The following NPFFR2 variants were observed in gnomAD, a reference collection of about 807,000 sequenced individuals.
NPFFR2 encodes G-protein coupled receptor 74.
A neutral mutation model predicts 13.1 loss-of-function variants in NPFFR2; 15 were observed. That is an observed-to-expected ratio of 1.15 (90% confidence interval 0.77 to 1.76). NPFFR2 has a LOEUF of 1.76. NPFFR2 is among the 40% of genes most tolerant of loss of function. The pLI is 0.00. For missense variants in NPFFR2, 572 were observed against 503.5 expected (o/e 1.14, Z -1.30); for synonymous variants, 190 against 175.7 (o/e 1.08, Z -0.65).
chr4:72,077,020 T>G (rs929673556), intron 1 of NPFFR2, among the ~76,000 whole-genome samples: 1 of 152,200 alleles, frequency 6.6e-6, no homozygotes, highest in African/African-American at 2.4e-5. Context: ...TATCTTATTC[T>G]TATTTTCCTC....
chr4:72,089,249 T>C (rs781627422), intron 1 of NPFFR2, among the ~76,000 whole-genome samples: 17 of 152,286 alleles, frequency 1.1e-4, no homozygotes, highest in Admixed American at 7.9e-4. Flanking sequence ...ATTTGGCTGG[T>C]TCCATATTTT....
chr4:72,129,408 G>C (rs1250894635), intron 2 of NPFFR2, among the ~76,000 whole-genome samples: 13 of 121,072 alleles, frequency 1.1e-4, no homozygotes, highest in African/African-American at 4.2e-4. Context: ...TTGATCATCT[G>C]TGGGTGTTTC....
intron 1 of NPFFR2, among the ~76,000 whole-genome samples, chr4:72,126,723 T>A (rs1018899596): frequency 6.6e-6 from 1 of 152,162 alleles, no homozygotes; most frequent in African/African-American, 2.4e-5. Flanking sequence ...AAACCCTGGG[T>A]GTTGAGTCTC....
At chr4:72,098,120 A>G (rs1202062383) in intron 1 of NPFFR2, among the ~76,000 whole-genome samples, 1 of 152,232 alleles carries the variant, frequency 6.6e-6, no homozygotes, top group African/African-American at 2.4e-5. Flanking sequence ...TAAGAGCTCA[A>G]TGAATGTGCA....
At chr4:72,140,920 AT>A (rs1722596227) in intron 3 of NPFFR2, among the ~76,000 whole-genome samples, 1 of 152,088 alleles carries the variant, frequency 6.6e-6, no homozygotes, top group African/African-American at 2.4e-5. Flanking sequence ...TAAGCTATTA[AT>A]TATTGCCTCA....
chr4:72,037,264 G>GGTTCT (rs1719063162), intron 1 of NPFFR2, among the ~76,000 whole-genome samples: 1 of 151,594 alleles, frequency 6.6e-6, no homozygotes, highest in African/African-American at 2.4e-5. Flanking sequence ...TGGTCATAGT[G>GGTTCT]GTACATACCT....
Position 72,032,080 on chromosome 4 carries a change from G to T in NPFFR2, c.-128G>T, listed in dbSNP as rs764073931. ...AGGCAGTCCGCGGGGGACAGACGTC[G>T]GCTGGGATTGAGCCGGCAGACTGCG... On this transcript the variant is annotated 5_prime_UTR_variant, in exon 1 of 4. Transcript: ENST00000308744. The T allele has an allele frequency of 2.5e-6, 4 of 1,613,972 alleles. No individual in the cohort carries two copies. The highest frequency in any genetic ancestry group is 3.4e-6 in the Non-Finnish European group (4 of 1,179,972).
intron 1 of NPFFR2, among the ~76,000 whole-genome samples, chr4:72,040,715 T>C (rs1385821141): frequency 6.6e-6 from 1 of 152,026 alleles, no homozygotes; most frequent in Non-Finnish European, 1.5e-5. Flanking sequence ...ATACATATTT[T>C]AAATGATATT....
intron 1 of NPFFR2, among the ~76,000 whole-genome samples, chr4:72,111,961 A>G (rs1721578926): frequency 6.6e-6 from 1 of 151,980 alleles, no homozygotes; most frequent in South Asian, 2.1e-4. Flanking sequence ...GAAAACCTCT[A>G]TCTAGTCATT....
intron 1 of NPFFR2, among the ~76,000 whole-genome samples, chr4:72,093,844 A>T (rs1285789872): frequency 6.9e-6 from 1 of 145,830 alleles, no homozygotes. Context: ...TTGTTAATTC[A>T]GAGAGTTCAT....
intron 1 of NPFFR2, among the ~76,000 whole-genome samples, chr4:72,040,325 A>C (rs1320508033): frequency 2.0e-5 from 3 of 152,158 alleles, no homozygotes; most frequent in Admixed American, 6.5e-5. Context: ...GGAGTTTTAA[A>C]ACACATGCCA....
chr4:72,086,961 G>A (rs914160187), intron 1 of NPFFR2, among the ~76,000 whole-genome samples: 2 of 152,020 alleles, frequency 1.3e-5, no homozygotes, highest in Non-Finnish European at 1.5e-5. Flanking sequence ...TAAGTATTTT[G>A]TCAAGTCTGT....
chr4:72,075,428 G>T (rs968058437), intron 1 of NPFFR2, among the ~76,000 whole-genome samples: 27 of 152,078 alleles, frequency 1.8e-4, no homozygotes, highest in African/African-American at 5.1e-4. Context: ...CAAAATACAT[G>T]AGGTAAGAAA....
At chr4:72,045,397 A>T (rs954802586) in intron 1 of NPFFR2, among the ~76,000 whole-genome samples, 1 of 152,134 alleles carries the variant, frequency 6.6e-6, no homozygotes, top group Non-Finnish European at 1.5e-5. Context: ...GTCTATTTTT[A>T]TACCAATACC....
chr4:72,048,129 T>C (rs1719429381), intron 1 of NPFFR2, among the ~76,000 whole-genome samples: 2 of 152,042 alleles, frequency 1.3e-5, no homozygotes, highest in East Asian at 1.9e-4. Flanking sequence ...CATATATATA[T>C]ACACACGTAC....
chr4:72,119,064 G>A (rs930138429), intron 1 of NPFFR2, among the ~76,000 whole-genome samples: 7 of 151,810 alleles, frequency 4.6e-5, no homozygotes, highest in African/African-American at 9.7e-5. Context: ...AAAAATAATC[G>A]GTAGAAAAAA....
chr4:72,053,283 T>C (rs1243611458), intron 1 of NPFFR2, among the ~76,000 whole-genome samples: 1 of 151,562 alleles, frequency 6.6e-6, no homozygotes, highest in Non-Finnish European at 1.5e-5. Flanking sequence ...AGCTCCCAGA[T>C]CTCCAGGCTA....
intron 1 of NPFFR2, among the ~76,000 whole-genome samples, chr4:72,085,779 A>C (rs938368651): frequency 1.3e-5 from 2 of 152,200 alleles, no homozygotes; most frequent in African/African-American, 4.8e-5. Flanking sequence ...TCTTCAGCAC[A>C]TGATTTTTTT....
chr4:72,107,961 C>T (rs927825901), intron 1 of NPFFR2, among the ~76,000 whole-genome samples: 1 of 151,900 alleles, frequency 6.6e-6, no homozygotes, highest in African/African-American at 2.4e-5. Context: ...AAACAGAGAT[C>T]TTACTTATTA....
Sources: gnomAD v4.1 joint callset for allele counts (sites outside exome capture counted in the v4.1 genomes callset) on GRCh38, gnomAD v4.1.1 for gene constraint, MANE v1.5 for transcripts, NCBI Gene and HGNC (gene_info 2026-07-23, HGNC 2026-07-21) for gene names.